The following CDH12 variants were observed in gnomAD, a reference collection of about 807,000 sequenced individuals.
The protein encoded by CDH12 is cadherin-12.
CDH12 carries 41 observed loss-of-function variants against 74.1 expected under a neutral mutation model. The observed-to-expected ratio is 0.55, with a 90% confidence interval of 0.43 to 0.72. The LOEUF is 0.72. Ranked by LOEUF, CDH12 falls within the 30% of genes least tolerant of loss-of-function variation. The probability of loss-of-function intolerance (pLI) is 0.00; values close to 1 mark genes in which losing one functional copy is unlikely to be tolerated. For missense variants in CDH12, 945 were observed against 977.2 expected (o/e 0.97, Z 0.44); for synonymous variants, 399 against 355.0 (o/e 1.12, Z -1.39).
intron 3 of CDH12, among the ~76,000 whole-genome samples, chr5:22,252,645 A>G: frequency 6.6e-6 from 1 of 152,038 alleles, no homozygotes. Context: ...ACCAAAGTGC[A>G]CCAGAACCAT....
At chr5:21,757,919 G>T (rs987070454) in intron 13 of CDH12, among the ~76,000 whole-genome samples, 3 of 152,110 alleles carry the variant, frequency 2.0e-5, no homozygotes, top group Admixed American at 6.5e-5. Context: ...CATCTTCACA[G>T]TCAGTACCCT....
chr5:22,132,746 G>C (rs1329060245), intron 4 of CDH12, among the ~76,000 whole-genome samples: 1 of 152,028 alleles, frequency 6.6e-6, no homozygotes, highest in Admixed American at 6.6e-5. Context: ...CTTTCAAAAA[G>C]AGAGACCACT....
intron 1 of CDH12, among the ~76,000 whole-genome samples, chr5:22,671,223 C>T (rs905148998): frequency 6.6e-6 from 1 of 152,102 alleles, no homozygotes; most frequent in African/African-American, 2.4e-5. Context: ...ACACATTCAA[C>T]ATTCCTCAAA....
chr5:22,465,359 C>T (rs984598231), intron 2 of CDH12, among the ~76,000 whole-genome samples: 2 of 152,072 alleles, frequency 1.3e-5, no homozygotes, highest in South Asian at 4.1e-4. Context: ...AGATCCTAAT[C>T]AAACATGTCA....
At chr5:22,640,336 T>C (rs1739080197) in intron 1 of CDH12, among the ~76,000 whole-genome samples, 1 of 152,198 alleles carries the variant, frequency 6.6e-6, no homozygotes, top group Non-Finnish European at 1.5e-5. Context: ...AATCTAACAC[T>C]ATTTTGTCAT....
chr5:21,777,591 C>T (rs192106062), intron 11 of CDH12, among the ~76,000 whole-genome samples: 35 of 151,124 alleles, frequency 2.3e-4, no homozygotes, highest in Admixed American at 2.3e-3. Flanking sequence ...GGCATGACCT[C>T]GGCTCACTGC....
chr5:22,320,289 T>C (rs1414535764), intron 3 of CDH12, among the ~76,000 whole-genome samples: 2 of 152,178 alleles, frequency 1.3e-5, no homozygotes. Context: ...AGTTTAAAAT[T>C]AATATGTCTT....
chr5:22,759,795 T>C (rs2127052918), intron 1 of CDH12, among the ~76,000 whole-genome samples: 1 of 152,328 alleles, frequency 6.6e-6, no homozygotes, highest in African/African-American at 2.4e-5. Context: ...TTTAAGAAGT[T>C]GGCTCATGCA....
intron 6 of CDH12, among the ~76,000 whole-genome samples, chr5:21,926,048 T>C (rs966880712): frequency 6.6e-6 from 1 of 152,194 alleles, no homozygotes; most frequent in South Asian, 2.1e-4. Flanking sequence ...CTTTAGATGT[T>C]AGAATCTTTC....
intron 3 of CDH12, among the ~76,000 whole-genome samples, chr5:22,358,195 G>A (rs1179828011): frequency 6.6e-6 from 1 of 152,102 alleles, no homozygotes; most frequent in Non-Finnish European, 1.5e-5. Context: ...GATCCCTTGA[G>A]GTCAGGAGTT....
At chr5:21,931,196 C>T (rs2150081040) in intron 6 of CDH12, among the ~76,000 whole-genome samples, 1 of 152,068 alleles carries the variant, frequency 6.6e-6, no homozygotes, top group East Asian at 1.9e-4. Flanking sequence ...GATACAACAA[C>T]TTACAGGATT....
intron 1 of CDH12, among the ~76,000 whole-genome samples, chr5:22,696,161 G>A (rs796574570): frequency 2.6e-5 from 4 of 152,144 alleles, no homozygotes; most frequent in African/African-American, 9.6e-5. Context: ...AAGGTCAGGA[G>A]ATCGAGACCA....
chr5:21,947,054 TC>T (rs1248058939), intron 6 of CDH12, among the ~76,000 whole-genome samples: 7 of 152,236 alleles, frequency 4.6e-5, no homozygotes, highest in Non-Finnish European at 1.0e-4. Context: ...ACTCATTCTC[TC>T]CTGTTGCCTT....
intron 1 of CDH12, among the ~76,000 whole-genome samples, chr5:22,758,024 ATCTG>A (rs370798426): frequency 2.0e-5 from 3 of 152,240 alleles, no homozygotes; most frequent in African/African-American, 7.2e-5. Flanking sequence ...GCCTCTTTAA[ATCTG>A]TCTGCTCTTT....
chr5:21,900,029 A>G (rs1282234743), intron 6 of CDH12, among the ~76,000 whole-genome samples: 1 of 152,166 alleles, frequency 6.6e-6, no homozygotes, highest in Non-Finnish European at 1.5e-5. Flanking sequence ...TTATATATCT[A>G]GCTAGATACA....
At chr5:22,129,545 T>C (rs576340089) in intron 4 of CDH12, among the ~76,000 whole-genome samples, 2 of 152,124 alleles carry the variant, frequency 1.3e-5, no homozygotes, top group East Asian at 3.9e-4. Flanking sequence ...GAAAACAAAA[T>C]TGACAAAAAG....
intron 4 of CDH12, among the ~76,000 whole-genome samples, chr5:22,117,001 G>T (rs547807230): frequency 6.7e-6 from 1 of 148,268 alleles, no homozygotes; most frequent in Non-Finnish European, 1.5e-5. Context: ...GTCAAGAAAT[G>T]AATGAACAGA....
intron 7 of CDH12, among the ~76,000 whole-genome samples, chr5:21,846,872 T>C (rs1750200718): frequency 6.6e-6 from 1 of 152,146 alleles, no homozygotes; most frequent in Admixed American, 6.6e-5. Flanking sequence ...GTAGACAGCA[T>C]ATGACAAAAA....
chr5:22,180,284 A>T (rs541850753), intron 4 of CDH12, among the ~76,000 whole-genome samples: 4 of 152,224 alleles, frequency 2.6e-5, no homozygotes, highest in African/African-American at 9.6e-5. Flanking sequence ...TCATGAAATG[A>T]CTTTGTTATC....
Sources: allele counts gnomAD v4.1 joint callset (sites outside exome capture counted in the v4.1 genomes callset), GRCh38; gene constraint gnomAD v4.1.1; transcripts MANE v1.5; gene names NCBI Gene and HGNC (gene_info 2026-07-23, HGNC 2026-07-21).